The following SH2D4B variants were observed in gnomAD, a reference collection of about 807,000 sequenced individuals.
SH2D4B encodes the protein SH2 domain containing 4B.
SH2D4B carries 45 observed loss-of-function variants against 61.5 expected under a neutral mutation model. The ratio of observed to expected loss-of-function variants is 0.73; its 90% CI spans 0.58 to 0.94. The LOEUF is 0.94. SH2D4B is among the 40% of genes least tolerant of loss of function. SH2D4B has a pLI of 0.00. For missense variants in SH2D4B, 572 were observed against 574.2 expected (o/e 1.00, Z 0.04); for synonymous variants, 224 against 220.4 (o/e 1.02, Z -0.14).
intron 1 of SH2D4B, 137 bp from the exon 2 acceptor site, chr10:80,570,017 G>A: frequency 9.2e-7 from 1 of 1,084,512 alleles, no homozygotes; most frequent in South Asian, 1.5e-5. Flanking sequence ...CCCCAGGCCA[G>A]TGTCTCTCTG....
At chr10:80,584,799 G>C (rs1842224321) in intron 3 of SH2D4B, among the ~76,000 whole-genome samples, 2 of 152,222 alleles carry the variant, frequency 1.3e-5, no homozygotes. Flanking sequence ...ATGTTCACCT[G>C]TGGGAAATAT....
At chr10:80,600,055 G>A (rs981493383) in intron 4 of SH2D4B, among the ~76,000 whole-genome samples, 27 of 152,106 alleles carry the variant, frequency 1.8e-4, no homozygotes, top group Admixed American at 1.8e-3. Flanking sequence ...CCTAGCCCAT[G>A]CCAGGGCTTT....
intron 1 of SH2D4B, among the ~76,000 whole-genome samples, chr10:80,543,700 ACCTT>A (rs1464274159): frequency 6.6e-6 from 1 of 152,114 alleles, no homozygotes; most frequent in African/African-American, 2.4e-5. Flanking sequence ...GTCATGGAGA[ACCTT>A]TATGTCTAGC....
At chr10:80,542,261 G>A (rs1440352896) in intron 1 of SH2D4B, among the ~76,000 whole-genome samples, 1 of 152,032 alleles carries the variant, frequency 6.6e-6, no homozygotes, top group African/African-American at 2.4e-5. Flanking sequence ...TCACAACCCT[G>A]TGGACTCCTC....
intron 5 of SH2D4B, among the ~76,000 whole-genome samples, chr10:80,608,632 A>G (rs1220113381): frequency 6.6e-6 from 1 of 152,044 alleles, no homozygotes; most frequent in Admixed American, 6.5e-5. Flanking sequence ...ACCTGTGAGA[A>G]AACTTTAAAA....
Position 80,645,159 on chromosome 10 carries a change from A to G in SH2D4B, c.*1074A>G, listed in dbSNP as rs1393868300. On this transcript the variant is annotated 3_prime_UTR_variant, in exon 8 of 8. Coordinates refer to ENST00000646907, the MANE Select transcript of SH2D4B (RefSeq NM_001388272.1). ...AACTTACTAGCATTATAATGCTTGC[A>G]GCATTGTGTTTGGTGAGAGGAAAAG... The G allele has an allele frequency of 2.0e-5, 3 of 152,246 alleles. No homozygotes were observed. The highest frequency in any genetic ancestry group is 7.2e-5 in the African/African-American group (3 of 41,468). The allele number at this position is 152,246 out of a possible 1,614,324, so 9.4% of individuals were successfully genotyped here.
intron 1 of SH2D4B, among the ~76,000 whole-genome samples, chr10:80,540,349 G>A (rs1189166014): frequency 6.6e-6 from 1 of 152,112 alleles, no homozygotes; most frequent in Non-Finnish European, 1.5e-5. Context: ...AAGAGCTTTC[G>A]GCCGGAGGGT....
chr10:80,587,154 T>TTTTTTTTTTTTTG (rs1842267362), intron 3 of SH2D4B, among the ~76,000 whole-genome samples: 1 of 99,440 alleles, frequency 1.0e-5, no homozygotes, highest in Non-Finnish European at 1.9e-5. Context: ...TTGTTTTGTT[T>TTTTTTTTTTTTTG]TTTTTTTTTT....
chr10:80,577,794 C>T (rs578204281), intron 3 of SH2D4B, among the ~76,000 whole-genome samples: 3 of 151,758 alleles, frequency 2.0e-5, no homozygotes, highest in East Asian at 2.0e-4. Context: ...GATCTCCTGA[C>T]CTCGTGATCT....
chr10:80,540,294 G>A (rs919934246), intron 1 of SH2D4B, among the ~76,000 whole-genome samples: 16 of 152,172 alleles, frequency 1.1e-4, no homozygotes, highest in Middle Eastern at 3.2e-3. Flanking sequence ...AACTGTCTGG[G>A]CATGCCACTG....
chr10:80,622,590 T>C (rs1842727586), intron 6 of SH2D4B, among the ~76,000 whole-genome samples: 1 of 152,190 alleles, frequency 6.6e-6, no homozygotes, highest in African/African-American at 2.4e-5. Context: ...TTTTGCTCAA[T>C]TTTGATTTCA....
chr10:80,544,704 C>T (rs1841645565), intron 1 of SH2D4B, among the ~76,000 whole-genome samples: 2 of 152,246 alleles, frequency 1.3e-5, no homozygotes, highest in African/African-American at 4.8e-5. Flanking sequence ...GCCCTGATCT[C>T]AGTGCAGTCC....
chr10:80,597,329 G>GT (rs1460601127), intron 4 of SH2D4B, among the ~76,000 whole-genome samples: 2 of 152,134 alleles, frequency 1.3e-5, no homozygotes, highest in African/African-American at 4.8e-5. Context: ...ACATGCCCGA[G>GT]TTACAGTTCA....
At chr10:80,573,037 CT>C (rs1332139960) in intron 3 of SH2D4B, among the ~76,000 whole-genome samples, 1 of 97,244 alleles carries the variant, frequency 1.0e-5, no homozygotes, top group East Asian at 3.7e-4. Flanking sequence ...CTCCCTCTGT[CT>C]CCTTGGTGCG....
chr10:80,585,326 CTT>C (rs35967768), intron 3 of SH2D4B, among the ~76,000 whole-genome samples: 8 of 142,240 alleles, frequency 5.6e-5, no homozygotes, highest in Admixed American at 7.0e-5. Flanking sequence ...TCCTCTTTTT[CTT>C]TTTTTTTTTT....
Position 80,644,042 on chromosome 10 carries a change from G to T in SH2D4B, c.1259G>T (p.Gly420Val), listed in dbSNP as rs2132169857. The T allele has an allele frequency of 6.2e-7, 1 of 1,613,902 alleles. No homozygotes were observed. The highest frequency in any genetic ancestry group is 1.7e-4 in the Middle Eastern group (1 of 6,060). Residue 420 changes from glycine to valine, a missense_variant, in exon 8 of 8, where the codon GGA (glycine) becomes GTA (valine). Transcript: ENST00000646907. ...SGGELLQEPC[G>V]QRDSPPDYHL... ...GGAGAGTTACTTCAGGAACCCTGCG[G>T]ACAGAGGGACAGCCCACCAGACTAC...
At chr10:80,596,182 CG>C (rs1455668458) in intron 4 of SH2D4B, among the ~76,000 whole-genome samples, 1 of 152,242 alleles carries the variant, frequency 6.6e-6, no homozygotes, top group Admixed American at 6.5e-5. Flanking sequence ...CAGGGGCATA[CG>C]CTCAGGAGAG....
chr10:80,550,207 A>G (rs988254662), intron 1 of SH2D4B, among the ~76,000 whole-genome samples: 2 of 152,160 alleles, frequency 1.3e-5, no homozygotes, highest in Non-Finnish European at 2.9e-5. Context: ...GGCCTGTGCT[A>G]GGCCCTTTAA....
At chr10:80,583,732 T>G (rs1053606995) in intron 3 of SH2D4B, among the ~76,000 whole-genome samples, 1 of 151,632 alleles carries the variant, frequency 6.6e-6, no homozygotes, top group Non-Finnish European at 1.5e-5. Flanking sequence ...GAAGATAAAC[T>G]CAAGAAGACC....
Sources: allele counts gnomAD v4.1 joint callset (sites outside exome capture counted in the v4.1 genomes callset), GRCh38; gene constraint gnomAD v4.1.1; transcripts MANE v1.5; gene names NCBI Gene and HGNC (gene_info 2026-07-23, HGNC 2026-07-21).